The following YEATS2 variants were observed in gnomAD, a reference collection of about 807,000 sequenced individuals.
The protein encoded by YEATS2 is YEATS domain containing 2.
YEATS2 carries 77 observed loss-of-function variants against 163.2 expected under a neutral mutation model. The observed-to-expected ratio is 0.47, with a 90% CI of 0.39 to 0.57. The LOEUF is 0.57. Among genes scored for constraint, YEATS2 ranks in the 20% least tolerant of loss-of-function variants. YEATS2 has a pLI of 0.00. For missense variants in YEATS2, 1,549 were observed against 1,729.8 expected, an observed-to-expected ratio of 0.90 and a Z score of 1.85; for synonymous variants, 631 against 645.1, an observed-to-expected ratio of 0.98 and a Z score of 0.33.
At chr3:183,764,931 T>G (rs1427311018) in intron 15 of YEATS2, among the ~76,000 whole-genome samples, 1 of 152,244 alleles carries the variant, frequency 6.6e-6, no homozygotes, top group Non-Finnish European at 1.5e-5. Context: ...GGCCACCATC[T>G]CAAACTTACT....
intron 1 of YEATS2, among the ~76,000 whole-genome samples, chr3:183,705,168 G>A (rs944522886): frequency 2.6e-5 from 4 of 151,990 alleles, no homozygotes; most frequent in African/African-American, 9.7e-5. Context: ...TCCTACCTCA[G>A]CTGCCCAAGT....
intron 12 of YEATS2, among the ~76,000 whole-genome samples, chr3:183,758,105 C>A (rs919303816): frequency 4.6e-5 from 7 of 152,128 alleles, no homozygotes; most frequent in Non-Finnish European, 1.0e-4. Context: ...TGCCCATAAT[C>A]CCAGCACTTT....
At chr3:183,702,208 G>GC (rs1714169657) in intron 1 of YEATS2, among the ~76,000 whole-genome samples, 1 of 152,274 alleles carries the variant, frequency 6.6e-6, no homozygotes, top group East Asian at 1.9e-4. Context: ...ACTTTGGGAG[G>GC]CCAAGGCGGG....
chr3:183,755,108 A>T (rs1720578559), intron 11 of YEATS2, among the ~76,000 whole-genome samples: 1 of 152,078 alleles, frequency 6.6e-6, no homozygotes. Context: ...AATAGCTTCT[A>T]ATTGGTAGGC....
chr3:183,765,695 C>T (rs1445649239), intron 15 of YEATS2, among the ~76,000 whole-genome samples: 1 of 152,108 alleles, frequency 6.6e-6, no homozygotes, highest in East Asian at 1.9e-4. Context: ...GCTTGTAATT[C>T]CAGCACTTTA....
Position 183,738,737 on chromosome 3 carries a change from A to AT in YEATS2, c.924+1914dup, listed in dbSNP as rs575857314. On this transcript the variant is annotated intron_variant, in intron 8 of 30. Coordinates refer to ENST00000305135, the MANE Select transcript of YEATS2 (RefSeq NM_018023.5). ...TCCCTACAAAGGATATGAACTCATC[A>AT]TTTTTTATGGCTGCATAGTATTCCA... Among the ~76,000 whole-genome samples, 81 of 126,646 alleles carry AT rather than the reference A, an allele frequency of 6.4e-4. 2 individuals are homozygous for AT. The South Asian group carries it at 0.017, about 27-fold the overall frequency. 83.1% of individuals were successfully genotyped at this position (126,646 alleles called of 152,430 possible).
chr3:183,756,669 G>A lies in YEATS2; in HGVS notation c.1532G>A (p.Gly511Glu). The part of the protein sequence containing the change: ...IMDKQPGQVI[G>E]ATTPSTGSPT... ...GACAAGCAGCCGGGGCAGGTGATTG[G>A]AGCCACCACTCCCAGTACAGGTGTG... is the stretch of plus-strand genomic sequence containing the variant. Residue 511 changes from glycine to glutamate, a missense_variant, in exon 12 of 31, where the codon GGA (glycine) becomes GAA (glutamate). Coordinates refer to ENST00000305135, the MANE Select transcript of YEATS2 (RefSeq NM_018023.5). 6.3e-7 allele frequency: 1 copy of A among 1,587,094 alleles called. No homozygotes were observed. The highest frequency in any genetic ancestry group is 8.6e-7 in the Non-Finnish European group (1 of 1,166,698).
intron 15 of YEATS2, among the ~76,000 whole-genome samples, chr3:183,764,608 G>A (rs1044879989): frequency 6.6e-6 from 1 of 151,950 alleles, no homozygotes; most frequent in East Asian, 1.9e-4. Context: ...TCAGGAGTTC[G>A]AGATCAGGCC....
chr3:183,812,122 C>G lies in YEATS2; in HGVS notation c.*1539C>G, dbSNP rs528792614. On this transcript the variant is annotated 3_prime_UTR_variant, in exon 31 of 31. Transcript: ENST00000305135. ...TGGTGGTGTGTGCCTGTAATTCCAG[C>G]TACTCGGGAGGCTGAGGCAGGAAGA... The G allele has an allele frequency of 8.6e-4, 131 of 152,452 alleles. No homozygotes were observed. Among genetic ancestry groups the G allele is most frequent in the African/African-American group, 3.1e-3 (127 of 41,558 alleles). 9.4% of individuals were successfully genotyped at this position (152,452 alleles called of 1,614,324 possible). A position where few individuals can be genotyped will look rare whatever the true frequency, so the allele number is the denominator to read the frequency against.
intron 8 of YEATS2, among the ~76,000 whole-genome samples, chr3:183,741,196 C>T (rs1243972581): frequency 1.3e-5 from 2 of 152,078 alleles, no homozygotes; most frequent in African/African-American, 4.8e-5. Flanking sequence ...GCCTCAGCCT[C>T]CCAAAGTGCT....
At chr3:183,805,041 G>A (rs1266668714) in intron 27 of YEATS2, among the ~76,000 whole-genome samples, 1 of 151,194 alleles carries the variant, frequency 6.6e-6, no homozygotes, top group Non-Finnish European at 1.5e-5. Flanking sequence ...AGGGCCATGG[G>A]GTGTAGGAGC....
In YEATS2 at chr3:183,810,455, C is replaced by A; in HGVS notation, c.4161-20C>A. 6.3e-7 allele frequency: 1 copy of A among 1,596,300 alleles called. No individual in the cohort carries two copies. The highest frequency in any genetic ancestry group is 1.3e-5 in the African/African-American group (1 of 74,646). ...CGTGAGAGAATTTCACCTGGTAACA[C>A]CCTTTGTTTTTTGGACCAGGATTCC... On this transcript the variant is annotated intron_variant, in intron 30 of 30. Coordinates refer to ENST00000305135, the MANE Select transcript of YEATS2 (RefSeq NM_018023.5).
chr3:183,772,557 G>A lies in YEATS2; in HGVS notation c.2200G>A (p.Gly734Ser), dbSNP rs1454721519. 1 of 1,613,640 alleles carries A rather than the reference G, an allele frequency of 6.2e-7. No homozygotes were observed. The highest frequency in any genetic ancestry group is 8.5e-7 in the Non-Finnish European group (1 of 1,180,018). The change falls in exon 16 of 31, where the codon GGT (glycine) becomes AGT (serine). Residue 734 changes from glycine to serine, a missense_variant. Physicochemically the swap from Gly to Ser is moderately conservative, Grantham distance 56. Transcript: ENST00000305135. ...AAGPQKSGSQ[G>S]SVMATLQLPA... Reference sequence around the variant, plus strand: ...TGGTCCTCAGAAGAGTGGATCCCAGGGTTCAGGTAAAACGGATCATCACTG... The same window carrying A: ...TGGTCCTCAGAAGAGTGGATCCCAGAGTTCAGGTAAAACGGATCATCACTG...
chr3:183,742,256 G>A (rs1392006001), intron 8 of YEATS2, among the ~76,000 whole-genome samples: 1 of 152,016 alleles, frequency 6.6e-6, no homozygotes, highest in Non-Finnish European at 1.5e-5. Context: ...TATTTTGTAA[G>A]GCTATGGATG....
At position 183,721,908 on chromosome 3, in the gene YEATS2, T is replaced by C. The variant is rs1432040851; in HGVS notation, c.309T>C (p.Asp103=). 6.2e-7 allele frequency: 1 copy of C among 1,614,160 alleles called. No homozygotes were observed. The highest frequency in any genetic ancestry group is 1.7e-5 in the Admixed American group (1 of 60,018). ...TTTTGTAGGGATCAAAGACATGTGA[T>C]ACAATGGTTTTTAATCATCCTGCTA... ...LKVSEGSKTC[D]TMVFNHPAIK... Residue 103 remains aspartate (D), a synonymous_variant, in exon 5 of 31, where the codon GAT becomes GAC. Transcript: ENST00000305135.
chr3:183,806,233 C>T (rs1476977729), intron 27 of YEATS2: 6 of 452,390 alleles, frequency 1.3e-5, no homozygotes, highest in Admixed American at 2.4e-5. Flanking sequence ...CCCCAGCCAT[C>T]ATAACTTGAG....
chr3:183,793,830 C>T (rs146971705), intron 21 of YEATS2, among the ~76,000 whole-genome samples: 260 of 152,146 alleles, frequency 1.7e-3, no homozygotes, highest in African/African-American at 6.1e-3. Flanking sequence ...CCAGGCTGGT[C>T]TCAAACTCCC....
In YEATS2 at chr3:183,810,907, A is replaced by C. The variant is rs1726741506; in HGVS notation, c.*324A>C. 1 of 257,218 alleles carries C rather than the reference A, an allele frequency of 3.9e-6. No homozygotes were observed. The highest frequency in any genetic ancestry group is 5.0e-5 in the Admixed American group (1 of 19,828). The allele number at this position is 257,218 out of a possible 1,614,324, so 15.9% of individuals were successfully genotyped here. ...CAGGCCCTTCTCCCTGGGTGTGCTT[A>C]AGGGGGCTCCTTGGGCCCGCCTCCC... On this transcript the variant is annotated 3_prime_UTR_variant, in exon 31 of 31. Coordinates refer to ENST00000305135, the MANE Select transcript of YEATS2 (RefSeq NM_018023.5).
chr3:183,717,120 T>G (rs1360184515), intron 2 of YEATS2, among the ~76,000 whole-genome samples: 1 of 152,118 alleles, frequency 6.6e-6, no homozygotes, highest in South Asian at 2.1e-4. Context: ...CTCAAACTCC[T>G]GACCTCAGGT....
Sources: gnomAD v4.1 joint callset for allele counts (sites outside exome capture counted in the v4.1 genomes callset) on GRCh38, gnomAD v4.1.1 for gene constraint, MANE v1.5 for transcripts, NCBI Gene and HGNC (gene_info 2026-07-23, HGNC 2026-07-21) for gene names.